Variants in CFAP184 observed in about 807,000 individuals in gnomAD.
CFAP184 encodes cilia- and flagella-associated protein 184.
At chr4:7,042,386 T>A in the CFAP184 span, 2 of 1,611,644 alleles carry the variant, frequency 1.2e-6, no homozygotes, top group African/African-American at 2.7e-5. Flanking sequence ...TCCCCATCCC[T>A]CTCCTTGCTC....
At chr4:7,041,135 A>C in the CFAP184 span, 1 of 1,351,876 alleles carries the variant, frequency 7.4e-7, no homozygotes, top group Non-Finnish European at 9.7e-7. Flanking sequence ...TTGGAAGCTA[A>C]AACGTTTTGA....
the CFAP184 span, chr4:7,041,207 A>G: frequency 6.6e-7 from 1 of 1,506,856 alleles, no homozygotes; most frequent in Non-Finnish European, 8.9e-7. Flanking sequence ...CAACGAAGGT[A>G]AAATAAAGCA....
At chr4:7,042,305 A>G in the CFAP184 span, 1 of 1,592,306 alleles carries the variant, frequency 6.3e-7, no homozygotes, top group Non-Finnish European at 8.6e-7. Context: ...TCCTCGGACC[A>G]CTCGAGGTCC....
chr4:7,042,443 C>T, the CFAP184 span: 2 of 1,611,602 alleles, frequency 1.2e-6, no homozygotes, highest in East Asian at 4.5e-5. Flanking sequence ...TCCTCCCCCT[C>T]CACCCGCTCT....
At chr4:7,041,819 C>A in the CFAP184 span, 1 of 1,610,138 alleles carries the variant, frequency 6.2e-7, no homozygotes, top group Non-Finnish European at 8.5e-7. Flanking sequence ...AGCCGCACGG[C>A]GCTCATCTCC....
At chr4:7,041,619 C>T in the CFAP184 span, 1 of 1,614,236 alleles carries the variant, frequency 6.2e-7, no homozygotes, top group South Asian at 1.1e-5. Context: ...TTATTACTTG[C>T]ACACTGTTGG....
chr4:7,042,125 C>T, the CFAP184 span: 2 of 1,606,966 alleles, frequency 1.2e-6, no homozygotes, highest in South Asian at 1.1e-5. Context: ...GCCTCTGCGC[C>T]CCGGTCAGCC....
chr4:7,042,284 G>A, the CFAP184 span: 1 of 1,591,568 alleles, frequency 6.3e-7, no homozygotes, highest in South Asian at 1.1e-5. Flanking sequence ...TGCTCCTGCA[G>A]CTTCTGGACC....
chr4:7,041,649 T>TA, the CFAP184 span: 1 of 1,614,234 alleles, frequency 6.2e-7, no homozygotes, highest in Non-Finnish European at 8.5e-7. Flanking sequence ...TGCGAAGTTT[T>TA]AAAAGTTCCT....
At chr4:7,041,115 C>T in the CFAP184 span, 3 of 1,186,730 alleles carry the variant, frequency 2.5e-6, no homozygotes, top group Admixed American at 3.3e-5. Flanking sequence ...GGTTTGGGCT[C>T]AGCACTGATT....
the CFAP184 span, chr4:7,042,090 C>T: frequency 1.9e-6 from 3 of 1,609,814 alleles, no homozygotes; most frequent in Non-Finnish European, 2.5e-6. Context: ...GGCGCAGGTA[C>T]GCTTGCTCTT....
At chr4:7,042,653 C>CGGGCTG in the CFAP184 span, 1 of 1,496,846 alleles carries the variant, frequency 6.7e-7, no homozygotes, top group East Asian at 2.5e-5. Context: ...TCTTCGGGCT[C>CGGGCTG]GGGCTGGGGC....
At chr4:7,042,117 C>T in the CFAP184 span, 3 of 1,607,392 alleles carry the variant, frequency 1.9e-6, no homozygotes, top group African/African-American at 1.3e-5. Flanking sequence ...GGGCCTCGGC[C>T]TCTGCGCCCC....
the CFAP184 span, chr4:7,041,315 CGCCTCTGCAGGACAAA>C: frequency 1.2e-6 from 2 of 1,612,056 alleles, no homozygotes; most frequent in Non-Finnish European, 1.7e-6. Flanking sequence ...TTCTGCCTCA[CGCCTCTGCAGGACAAA>C]GTGAGGCTAG....
chr4:7,042,666 G>A, the CFAP184 span: 2 of 1,503,788 alleles, frequency 1.3e-6, no homozygotes, highest in South Asian at 1.3e-5. Flanking sequence ...GCTGGGGCTC[G>A]GCCGGCCTCC....
chr4:7,042,196 T>C, the CFAP184 span: 1 of 1,599,852 alleles, frequency 6.3e-7, no homozygotes, highest in Non-Finnish European at 8.5e-7. Flanking sequence ...GTGCTGCAGG[T>C]ATAGGTTGTA....
At chr4:7,042,428 C>T in the CFAP184 span, 1 of 1,611,914 alleles carries the variant, frequency 6.2e-7, no homozygotes, top group African/African-American at 1.3e-5. Context: ...TCCTCCTTGT[C>T]CTCTTCCTCC....
chr4:7,040,951 A>C, the CFAP184 span: 1 of 248,502 alleles, frequency 4.0e-6, no homozygotes, highest in Non-Finnish European at 7.7e-6. Flanking sequence ...TGAAAGAGGA[A>C]CAGTACTCTT....
chr4:7,041,249 C>T, the CFAP184 span: 4 of 1,541,462 alleles, frequency 2.6e-6, no homozygotes, highest in Non-Finnish European at 3.5e-6. Context: ...AAGTGTTTTG[C>T]AGACTCTTCT....
Sources: allele counts gnomAD v4.1 joint callset, GRCh38; gene constraint gnomAD v4.1.1; transcripts MANE v1.5; gene names NCBI Gene and HGNC (gene_info 2026-07-23, HGNC 2026-07-21).